The following LEF1 variants were observed in gnomAD, a reference collection of about 807,000 sequenced individuals.
LEF1 encodes lymphoid enhancer binding factor 1, also known as lymphoid enhancer-binding factor 1.
A neutral mutation model predicts 51.2 loss-of-function variants in LEF1; 14 were observed. The observed-to-expected ratio is 0.27, with a 90% CI of 0.18 to 0.43. The LOEUF is 0.43. LEF1 is among the 20% of genes least tolerant of loss of function. The pLI is 1.00. For synonymous variants in LEF1, 185 were observed against 183.2 expected (o/e 1.01, Z -0.08); for missense variants, 386 against 512.0 (o/e 0.75, Z 2.37).
intron 4 of LEF1, 46 bp downstream of exon 4, chr4:108,089,079 C>A: frequency 1.2e-6 from 2 of 1,611,040 alleles, no homozygotes; most frequent in East Asian, 2.2e-5. Flanking sequence ...AGATTTGGCT[C>A]TTCATTTGGC....
At chr4:108,155,345 G>A (rs1024628077) in intron 3 of LEF1, among the ~76,000 whole-genome samples, 40 of 152,152 alleles carry the variant, frequency 2.6e-4, no homozygotes, top group African/African-American at 9.7e-4. Flanking sequence ...AAGAAAATCT[G>A]CTGCTCTCCT....
At chr4:108,137,553 T>C (rs982959431) in intron 3 of LEF1, among the ~76,000 whole-genome samples, 1 of 152,270 alleles carries the variant, frequency 6.6e-6, no homozygotes, top group African/African-American at 2.4e-5. Flanking sequence ...TTAGAGGCTG[T>C]GTGTGCTGGG....
At position 108,123,380 on chromosome 4, in the gene LEF1, G is replaced by A. The variant is rs1296678528; in HGVS notation, c.415-34123C>T. 3.4e-5 allele frequency among the ~76,000 whole-genome samples: 5 copies of A among 146,804 alleles called. No homozygotes were observed. In the Admixed American group the frequency reaches 3.4e-4, roughly 10 times the overall value. On this transcript the variant is annotated intron_variant, in intron 3 of 11. Coordinates refer to ENST00000265165, the MANE Select transcript of LEF1 (RefSeq NM_016269.5). The stretch of plus-strand genomic sequence containing the variant: ...GGGAAGGTAGGTTTATTTCTAGTTT[G>A]CCTTTACTCTAAAGATATAGCCTTT...
intron 3 of LEF1, among the ~76,000 whole-genome samples, chr4:108,152,627 G>A (rs1744426714): frequency 6.6e-6 from 1 of 152,208 alleles, no homozygotes; most frequent in South Asian, 2.1e-4. Flanking sequence ...CTGAACCTCA[G>A]TTAAATTACT....
Position 108,167,272 on chromosome 4 carries a change from G to A in LEF1, c.213+283C>T, listed in dbSNP as rs867401. Among the ~76,000 whole-genome samples, 748 of 151,784 alleles carry A rather than the reference G, an allele frequency of 4.9e-3. 11 individuals are homozygous for A. Among genetic ancestry groups the A allele is most frequent in the African/African-American group, 0.016 (677 of 41,350 alleles). ...GGCGAAACATTGTGGGTTCCTGCCC[G>A]CGAACCAACCGTTCAGCCACCGAAC... On this transcript the variant is annotated intron_variant, in intron 1 of 11. Coordinates refer to ENST00000265165, the MANE Select transcript of LEF1 (RefSeq NM_016269.5). The surrounding 1 kb of genome is among the most constrained non-coding windows in gnomAD (Gnocchi z 5.7).
At chr4:108,080,202 A>G (rs1739191098) in intron 6 of LEF1, among the ~76,000 whole-genome samples, 1 of 152,248 alleles carries the variant, frequency 6.6e-6, no homozygotes, top group Non-Finnish European at 1.5e-5. Flanking sequence ...CATCAAGGTT[A>G]AAAACTACAC....
intron 2 of LEF1, 115 bp downstream of exon 2, chr4:108,164,982 G>T: frequency 1.3e-6 from 1 of 777,832 alleles, no homozygotes; most frequent in Non-Finnish European, 2.2e-6. Flanking sequence ...TAAAATAGTG[G>T]GCATAGTCTG....
intron 4 of LEF1, among the ~76,000 whole-genome samples, chr4:108,085,366 G>A (rs1465233803): frequency 6.6e-6 from 1 of 152,222 alleles, no homozygotes; most frequent in Admixed American, 6.5e-5. Context: ...TTACAGGCAT[G>A]AACCACAGCC....
At chr4:108,166,747 T>C (rs926955672) in intron 1 of LEF1, 66 of 988,514 alleles carry the variant, frequency 6.7e-5, no homozygotes, top group Non-Finnish European at 7.8e-5. Context: ...CTTCTCCGCC[T>C]TTCTTCTGCG....
intron 8 of LEF1, among the ~76,000 whole-genome samples, chr4:108,073,829 C>A (rs1312373612): frequency 1.3e-5 from 2 of 151,570 alleles, no homozygotes; most frequent in African/African-American, 4.9e-5. Context: ...GATAACCCCC[C>A]CCCCTTTTTT....
At chr4:108,164,352 C>T (rs961807087) in intron 2 of LEF1, among the ~76,000 whole-genome samples, 1 of 151,944 alleles carries the variant, frequency 6.6e-6, no homozygotes, top group African/African-American at 2.4e-5. Flanking sequence ...AGGAAGAAGC[C>T]TAATATATAA....
chr4:108,051,557 G>GTGAAGTC (rs1376106667), intron 11 of LEF1, among the ~76,000 whole-genome samples: 2 of 152,192 alleles, frequency 1.3e-5, no homozygotes, highest in East Asian at 3.9e-4. Flanking sequence ...CAACCCACCA[G>GTGAAGTC]TGAAGTCTGC....
chr4:108,058,016 G>A (rs760324057), intron 11 of LEF1, among the ~76,000 whole-genome samples: 21 of 152,026 alleles, frequency 1.4e-4, no homozygotes, highest in Non-Finnish European at 2.6e-4. Context: ...TGGGATTACA[G>A]GCGCCTGCCA....
At chr4:108,088,868 C>A (rs577249382) in intron 4 of LEF1, among the ~76,000 whole-genome samples, 1 of 152,244 alleles carries the variant, frequency 6.6e-6, no homozygotes, top group South Asian at 2.1e-4. Flanking sequence ...TATTGGTTTA[C>A]ATTGTGAATG....
intron 4 of LEF1, 53 bp from the exon 5 acceptor site, chr4:108,083,499 A>G (rs1668070299): frequency 1.7e-6 from 2 of 1,185,094 alleles, no homozygotes; most frequent in Non-Finnish European, 2.5e-6. Context: ...ATATTTAACC[A>G]GAAATGCAAC....
intron 3 of LEF1, among the ~76,000 whole-genome samples, chr4:108,106,323 C>T (rs1165823468): frequency 2.0e-5 from 3 of 152,082 alleles, no homozygotes; most frequent in Non-Finnish European, 4.4e-5. Flanking sequence ...AAGAACAAAA[C>T]CAGCCATTAG....
At chr4:108,146,522 T>A (rs1202075618) in intron 3 of LEF1, among the ~76,000 whole-genome samples, 2 of 152,202 alleles carry the variant, frequency 1.3e-5, no homozygotes, top group African/African-American at 4.8e-5. Context: ...TTGCTTCACC[T>A]CTAGAGCAGA....
chr4:108,109,712 C>T (rs928947555), intron 3 of LEF1, among the ~76,000 whole-genome samples: 2 of 152,134 alleles, frequency 1.3e-5, no homozygotes, highest in African/African-American at 4.8e-5. Context: ...AAACAGAAGG[C>T]AAAACATTCA....
chr4:108,130,096 C>T (rs889551477), intron 3 of LEF1, among the ~76,000 whole-genome samples: 1 of 152,162 alleles, frequency 6.6e-6, no homozygotes, highest in Non-Finnish European at 1.5e-5. Context: ...GAAAATACTA[C>T]TTCATATACT....
Sources: allele counts gnomAD v4.1 joint callset (sites outside exome capture counted in the v4.1 genomes callset), GRCh38; gene constraint gnomAD v4.1.1; non-coding constraint Gnocchi (gnomAD v3.1); transcripts MANE v1.5; gene names NCBI Gene and HGNC (gene_info 2026-07-23, HGNC 2026-07-21).